The following ERBB2 variants were observed in gnomAD, a reference collection of about 807,000 sequenced individuals.
The protein encoded by ERBB2 is erb-b2 receptor tyrosine kinase 2, also known as receptor tyrosine-protein kinase erbB-2.
A neutral mutation model predicts 149.0 loss-of-function variants in ERBB2; 61 were observed. The ratio of observed to expected loss-of-function variants is 0.41; its 90% CI spans 0.33 to 0.51. The LOEUF is 0.51. ERBB2 is among the 20% of genes least tolerant of loss of function. The pLI is 0.25. For missense variants in ERBB2, 1,205 were observed against 1,655.1 expected (o/e 0.73, Z 4.72); for synonymous variants, 633 against 678.8 (o/e 0.93, Z 1.05).
intron 7 of ERBB2, among the ~76,000 whole-genome samples, chr17:39,711,482 G>A (rs553399449): frequency 1.3e-5 from 2 of 152,326 alleles, no homozygotes; most frequent in South Asian, 2.1e-4. Context: ...ATGAGCCATC[G>A]TGCCTGGCCT....
chr17:39,690,773 C>G (rs1269692020), upstream of ERBB2, among the ~76,000 whole-genome samples: 1 of 152,162 alleles, frequency 6.6e-6, no homozygotes. Flanking sequence ...GTCACTAATT[C>G]ATTCCTTCAA....
intron 16 of ERBB2, among the ~76,000 whole-genome samples, chr17:39,720,969 A>G (rs774208941): frequency 2.8e-4 from 42 of 151,796 alleles, no homozygotes; most frequent in Admixed American, 5.9e-4. Flanking sequence ...CTTTTTATTG[A>G]GTGATTGAGA....
upstream of ERBB2, among the ~76,000 whole-genome samples, chr17:39,691,546 T>TAAAAAAAAA (rs557885708): frequency 9.2e-6 from 1 of 108,530 alleles, no homozygotes; most frequent in African/African-American, 5.0e-5. Context: ...CCATCTACAT[T>TAAAAAAAAA]AAAAAAAAAA....
chr17:39,717,508 A>C, intron 15 of ERBB2, 28 bp downstream of exon 15: 4 of 1,574,750 alleles, frequency 2.5e-6, no homozygotes, highest in Non-Finnish European at 3.5e-6. Context: ...TTCTGCAGAA[A>C]GGAGGACTTT....
In ERBB2 at chr17:39,726,665, G is replaced by T. The variant is rs2059782448; in HGVS notation, c.2970+6G>T. 6 of 1,613,702 alleles carry T rather than the reference G, an allele frequency of 3.7e-6. No homozygotes were observed. The highest frequency in any genetic ancestry group is 5.1e-6 in the Non-Finnish European group (6 of 1,179,560). ...AGCGCTTTGTGGTCATCCAGGTACTGGGCCTCTGTGCCCCATCCCTGCCTG... is the reference window on the plus strand; with the variant it reads ...AGCGCTTTGTGGTCATCCAGGTACTTGGCCTCTGTGCCCCATCCCTGCCTG... On this transcript the variant is annotated splice_donor_region_variant and intron_variant, in intron 24 of 26. Transcript: ENST00000269571. The surrounding 1 kb of genome is among the most constrained non-coding windows in gnomAD (Gnocchi z 5.1).
chr17:39,712,095 C>T lies in ERBB2; in HGVS notation c.1021+48C>T, dbSNP rs4252625. ...GCCAGCTGCAGTTCCTGTCCCTCTGCGCATGCAGCCTGGCCCAGCCCACCC... is the reference window on the plus strand; with the variant it reads ...GCCAGCTGCAGTTCCTGTCCCTCTGTGCATGCAGCCTGGCCCAGCCCACCC... On this transcript the variant is annotated intron_variant, in intron 8 of 26. Transcript: ENST00000269571. 7,840 of 1,612,690 alleles carry T rather than the reference C, an allele frequency of 4.9e-3. 364 individuals are homozygous for T. The African/African-American group carries it at 0.094, about 19-fold the overall frequency.
rs530186646 is a variant in ERBB2 at position 39,710,375 on chromosome 17, G to A, written c.795G>A (p.Glu265=). 6.2e-7 allele frequency: 1 copy of A among 1,614,192 alleles called. No individual in the cohort carries two copies. The highest frequency in any genetic ancestry group is 1.7e-5 in the Admixed American group (1 of 60,026). ...CLHFNHSGIC[E]LHCPALVTYN... ...ACTTCAACCACAGTGGCATCTGTGA[G>A]CTGCACTGCCCAGCCCTGGTCACCT... The change falls in exon 7 of 27, where the codon GAG becomes GAA. Residue 265 remains glutamate, a synonymous_variant. Coordinates refer to ENST00000269571, the MANE Select transcript of ERBB2 (RefSeq NM_004448.4).
chr17:39,702,615 G>C (rs2058178848), intron 1 of ERBB2, among the ~76,000 whole-genome samples: 1 of 152,154 alleles, frequency 6.6e-6, no homozygotes, highest in Non-Finnish European at 1.5e-5. Flanking sequence ...AATGTAAAAA[G>C]AAAAAATACG....
rs2059691027 is a variant in ERBB2 at position 39,725,319 on chromosome 17, C to T, written c.2650-8C>T. On this transcript the variant is annotated splice_region_variant and splice_polypyrimidine_tract_variant and intron_variant, in intron 21 of 26. Transcript: ENST00000269571. The surrounding 1 kb of genome is among the most constrained non-coding windows in gnomAD (Gnocchi z 4.6). ...ACAGTTGGAGGACTTCCTCTTCTGC[C>T]CTCCCAGGTGCCCATCAAGTGGATG... is the stretch of plus-strand genomic sequence containing the variant. 6.2e-7 allele frequency: 1 copy of T among 1,613,992 alleles called. No individual in the cohort carries two copies. Among genetic ancestry groups the T allele is most frequent in the South Asian group, 1.1e-5 (1 of 91,076 alleles).
At chr17:39,690,233 C>T (rs1012858857), upstream of ERBB2, among the ~76,000 whole-genome samples, 2 of 152,040 alleles carry the variant, frequency 1.3e-5, no homozygotes, top group African/African-American at 2.4e-5. Flanking sequence ...CTGCAGCATG[C>T]GCCACTATGC....
chr17:39,690,833 A>G (rs1442408353), upstream of ERBB2, among the ~76,000 whole-genome samples: 1 of 151,968 alleles, frequency 6.6e-6, no homozygotes, highest in Non-Finnish European at 1.5e-5. Flanking sequence ...CTCATGGGGG[A>G]AAAAAAAGAC....
rs770327076 is a variant in ERBB2 at position 39,712,351 on chromosome 17, C to G, written c.1051C>G (p.Arg351Gly). 4 of 1,610,372 alleles carry G rather than the reference C, an allele frequency of 2.5e-6. No individual in the cohort carries two copies. The highest frequency in any genetic ancestry group is 1.1e-5 in the South Asian group (1 of 90,964). The change falls in exon 9 of 27, where the codon CGA (arginine) becomes GGA (glycine). Residue 351 changes from arginine to glycine, a missense_variant. Coordinates refer to ENST00000269571, the MANE Select transcript of ERBB2 (RefSeq NM_004448.4). ...VCYGLGMEHL[R>G]EVRAVTSANI... ...CTATGGTCTGGGCATGGAGCACTTG[C>G]GAGAGGTGAGGGCAGTTACCAGTGC...
intron 16 of ERBB2, among the ~76,000 whole-genome samples, chr17:39,721,403 A>C (rs2059447078): frequency 6.6e-6 from 1 of 151,322 alleles, no homozygotes; most frequent in Admixed American, 6.6e-5. Flanking sequence ...GCCCCCCAGT[A>C]GCTGGGATTA....
In ERBB2 at chr17:39,727,006, C is replaced by A. The variant is rs2143189552; in HGVS notation, c.3159+3C>A. The A allele has an allele frequency of 1.3e-6, 2 of 1,588,336 alleles. No homozygotes were observed. The highest frequency in any genetic ancestry group is 1.1e-5 in the South Asian group (1 of 87,556). ...GGCACCGCAGCTCATCTACCAGGGT[C>A]AGTGCCCTCGGTCACACTGTGTGGC... On this transcript the variant is annotated splice_donor_region_variant and intron_variant, in intron 25 of 26. Transcript: ENST00000269571. This position sits in a 1 kb window ranked among gnomAD's most constrained non-coding sequence, Gnocchi z 4.3.
intron 19 of ERBB2, 36 bp from the exon 20 acceptor site, chr17:39,724,690 G>A (rs780686773): frequency 6.3e-7 from 1 of 1,587,954 alleles, no homozygotes; most frequent in Non-Finnish European, 8.6e-7. Flanking sequence ...GGGGTGTGTG[G>A]TCTCCCATAC....
Position 39,727,233 on chromosome 17 carries a change from C to T in ERBB2, c.3160-62C>T, listed in dbSNP as rs2143217415. On this transcript the variant is annotated intron_variant, in intron 25 of 26. Coordinates refer to ENST00000269571, the MANE Select transcript of ERBB2 (RefSeq NM_004448.4). The surrounding 1 kb of genome is among the most constrained non-coding windows in gnomAD (Gnocchi z 4.3). ...TTTCTCCTGTGACCCTGTCACCTTC[C>T]ATGGAGTCCCCATCCCAGATCCGTG... 1.3e-6 allele frequency: 2 copies of T among 1,581,600 alleles called. No homozygotes were observed. The highest frequency in any genetic ancestry group is 2.3e-5 in the South Asian group (2 of 88,050).
In ERBB2 at chr17:39,728,040, T is replaced by C. The variant is rs772934121; in HGVS notation, c.3764T>C (p.Val1255Ala). 3.2e-6 allele frequency: 5 copies of C among 1,578,940 alleles called. No homozygotes were observed. Among genetic ancestry groups the C allele is most frequent in the South Asian group, 1.1e-5 (1 of 89,486 alleles). Residue 1255 changes from valine to alanine, a missense_variant, in exon 27 of 27, where the codon GTG becomes GCG. Around this residue, in one of 6 missense-constraint regions of ERBB2, gnomAD observed 312 missense variants for 343.8 expected, o/e 0.91. Transcript: ENST00000269571. Reference sequence around the variant, plus strand: ...GAGTACCTGGGTCTGGACGTGCCAGTGTGAACCAGAAGGCCAAGTCCGCAG... The same window carrying C: ...GAGTACCTGGGTCTGGACGTGCCAGCGTGAACCAGAAGGCCAAGTCCGCAG... ...NPEYLGLDVPV is the reference protein window; with the variant it reads ...NPEYLGLDVPA
At chr17:39,713,465 T>C (rs2058932331) in intron 9 of ERBB2, among the ~76,000 whole-genome samples, 1 of 149,952 alleles carries the variant, frequency 6.7e-6, no homozygotes, top group African/African-American at 2.4e-5. Context: ...AAGAAATGAA[T>C]TGGGGCCAGG....
intron 1 of ERBB2, among the ~76,000 whole-genome samples, chr17:39,702,548 T>TG (rs1306364787): frequency 6.6e-6 from 1 of 152,182 alleles, no homozygotes; most frequent in Non-Finnish European, 1.5e-5. Context: ...TTACTATACT[T>TG]GGGGAAAGTA....
Sources: allele counts gnomAD v4.1 joint callset (sites outside exome capture counted in the v4.1 genomes callset), GRCh38; gene constraint gnomAD v4.1.1; regional missense constraint gnomAD v4.1.1; non-coding constraint Gnocchi (gnomAD v3.1); transcripts MANE v1.5; gene names NCBI Gene and HGNC (gene_info 2026-07-23, HGNC 2026-07-21).